The following LSAMP variants were observed in gnomAD, a reference collection of about 807,000 sequenced individuals.
The protein encoded by LSAMP is limbic system-associated membrane protein.
Under a neutral mutation model 38.6 loss-of-function variants are expected in LSAMP, and 7 were observed. That is an observed-to-expected ratio of 0.18 (90% confidence interval 0.10 to 0.34). The LOEUF (loss-of-function observed/expected upper bound fraction) is 0.34. Among genes scored for constraint, LSAMP ranks in the 10% least tolerant of loss-of-function variants. The probability of loss-of-function intolerance (pLI) is 1.00; values close to 1 mark genes in which losing one functional copy is unlikely to be tolerated. For synonymous variants in LSAMP, 154 were observed against 166.8 expected (o/e 0.92, Z 0.59); for missense variants, 313 against 420.0 (o/e 0.75, Z 2.23).
At chr3:116,113,802 A>G (rs543995924) in intron 1 of LSAMP, among the ~76,000 whole-genome samples, 1 of 152,112 alleles carries the variant, frequency 6.6e-6, no homozygotes, top group African/African-American at 2.4e-5. Flanking sequence ...TATTACTGAT[A>G]TTATTATATT....
intron 3 of LSAMP, among the ~76,000 whole-genome samples, chr3:115,894,181 A>G (rs957830478): frequency 2.4e-4 from 37 of 152,050 alleles, no homozygotes; most frequent in African/African-American, 8.4e-4. Context: ...ACAAAAGTCT[A>G]TGGTGCACCT....
At chr3:116,270,253 C>T (rs2046953768) in intron 1 of LSAMP, among the ~76,000 whole-genome samples, 1 of 151,988 alleles carries the variant, frequency 6.6e-6, no homozygotes, top group Non-Finnish European at 1.5e-5. Context: ...TGATGATAAA[C>T]GGAAATGATA....
At chr3:116,172,102 A>AAAT (rs1341334265) in intron 1 of LSAMP, among the ~76,000 whole-genome samples, 4 of 152,022 alleles carry the variant, frequency 2.6e-5, no homozygotes, top group African/African-American at 9.7e-5. Flanking sequence ...AAGGTTAAAT[A>AAAT]AATAAATAAA....
At chr3:116,363,498 C>G (rs2048311415) in intron 1 of LSAMP, among the ~76,000 whole-genome samples, 1 of 11,924 alleles carries the variant, frequency 8.4e-5, no homozygotes, top group African/African-American at 3.3e-4. Flanking sequence ...GGAATCCTCC[C>G]TAACTCATTT....
At chr3:116,137,869 T>G (rs1709285328) in intron 1 of LSAMP, among the ~76,000 whole-genome samples, 1 of 152,168 alleles carries the variant, frequency 6.6e-6, no homozygotes, top group African/African-American at 2.4e-5. Context: ...TTTTGCCTAT[T>G]GGCAATGAAT....
chr3:115,985,853 C>T (rs909541107), intron 3 of LSAMP, among the ~76,000 whole-genome samples: 2 of 152,198 alleles, frequency 1.3e-5, no homozygotes, highest in Non-Finnish European at 2.9e-5. Context: ...GGTTTGGTTG[C>T]AATCTCATGA....
chr3:116,276,159 C>A (rs1289841755), intron 1 of LSAMP, among the ~76,000 whole-genome samples: 4 of 152,050 alleles, frequency 2.6e-5, no homozygotes, highest in Non-Finnish European at 5.9e-5. Flanking sequence ...ATAAAAAAAT[C>A]TTGTGAAAAG....
chr3:115,934,175 TTATTTTATTTTA>T (rs1481290637), intron 3 of LSAMP, among the ~76,000 whole-genome samples: 1 of 19,164 alleles, frequency 5.2e-5, no homozygotes, highest in Non-Finnish European at 2.9e-4. Context: ...TTTTATTTTA[TTATTTTATTTTA>T]TTTTTTTTTC....
chr3:115,948,702 A>G (rs1938185284), intron 3 of LSAMP, among the ~76,000 whole-genome samples: 1 of 152,242 alleles, frequency 6.6e-6, no homozygotes, highest in African/African-American at 2.4e-5. Flanking sequence ...CAGACAATGT[A>G]ACATCACACC....
chr3:116,333,949 C>CA (rs928613847), intron 1 of LSAMP, among the ~76,000 whole-genome samples: 2 of 150,858 alleles, frequency 1.3e-5, no homozygotes, highest in African/African-American at 4.9e-5. Context: ...AATAATAAAG[C>CA]AAAAAATGTG....
chr3:116,004,804 C>A (rs1431405075), intron 3 of LSAMP, among the ~76,000 whole-genome samples: 1 of 152,034 alleles, frequency 6.6e-6, no homozygotes, highest in Non-Finnish European at 1.5e-5. Context: ...CAGGAATACC[C>A]CTTGGCAATT....
At chr3:116,178,015 T>C (rs1710392251) in intron 1 of LSAMP, among the ~76,000 whole-genome samples, 1 of 152,058 alleles carries the variant, frequency 6.6e-6, no homozygotes, top group South Asian at 2.1e-4. Context: ...GCTTAAATGA[T>C]GAAATGAGAA....
At chr3:116,101,292 T>G (rs1576362774) in intron 1 of LSAMP, among the ~76,000 whole-genome samples, 1 of 152,344 alleles carries the variant, frequency 6.6e-6, no homozygotes, top group East Asian at 1.9e-4. Context: ...ACCAGGTATC[T>G]TATTTCCCTA....
chr3:116,369,700 C>T (rs1273628209), intron 1 of LSAMP: 4 of 152,320 alleles, frequency 2.6e-5, no homozygotes, highest in Admixed American at 1.3e-4. Flanking sequence ...TCAACTCCCT[C>T]CCCTCCCAAA....
chr3:116,184,840 A>G (rs1443399697), intron 1 of LSAMP, among the ~76,000 whole-genome samples: 4 of 151,462 alleles, frequency 2.6e-5, no homozygotes, highest in Non-Finnish European at 4.4e-5. Context: ...TTTCTCAAAG[A>G]TTTTATTTTT....
chr3:115,974,423 C>T (rs1273628919), intron 3 of LSAMP, among the ~76,000 whole-genome samples: 1 of 151,984 alleles, frequency 6.6e-6, no homozygotes, highest in African/African-American at 2.4e-5. Context: ...AAATGAGTGA[C>T]TGAGGCAGAT....
At chr3:115,883,046 A>T (rs915232577) in intron 3 of LSAMP, among the ~76,000 whole-genome samples, 1 of 152,104 alleles carries the variant, frequency 6.6e-6, no homozygotes, top group African/African-American at 2.4e-5. Flanking sequence ...TGCAGAGAGA[A>T]TGAAGCAGAT....
chr3:116,166,685 T>C (rs1340652924), intron 1 of LSAMP, among the ~76,000 whole-genome samples: 1 of 152,108 alleles, frequency 6.6e-6, no homozygotes, highest in African/African-American at 2.4e-5. Context: ...AAATCTAGTA[T>C]ATACATTTAG....
chr3:116,023,779 G>A (rs1259538187), intron 2 of LSAMP, among the ~76,000 whole-genome samples: 3 of 151,796 alleles, frequency 2.0e-5, no homozygotes, highest in Non-Finnish European at 2.9e-5. Flanking sequence ...TTTTAAATAC[G>A]GTTTAATAGG....
Sources: allele counts gnomAD v4.1 joint callset (sites outside exome capture counted in the v4.1 genomes callset), GRCh38; gene constraint gnomAD v4.1.1; transcripts MANE v1.5; gene names NCBI Gene and HGNC (gene_info 2026-07-23, HGNC 2026-07-21).